The following ATP6V1H variants were observed in gnomAD, a reference collection of about 807,000 sequenced individuals.
ATP6V1H encodes the protein ATPase H+ transporting V1 subunit H, also known as V-type proton ATPase subunit H.
ATP6V1H carries 39 observed loss-of-function variants against 71.7 expected under a neutral mutation model. That is an observed-to-expected ratio of 0.54 (90% CI 0.42 to 0.71). The LOEUF (loss-of-function observed/expected upper bound fraction) is 0.71. Among genes scored for constraint, ATP6V1H ranks in the 30% least tolerant of loss-of-function variants. The pLI is 0.00. For synonymous variants in ATP6V1H, 192 were observed against 199.3 expected (o/e 0.96, Z 0.31); for missense variants, 509 against 594.9 (o/e 0.86, Z 1.50).
intron 11 of ATP6V1H, among the ~76,000 whole-genome samples, chr8:53,766,208 T>C (rs1209987460): frequency 6.6e-6 from 1 of 152,232 alleles, no homozygotes; most frequent in East Asian, 1.9e-4. Flanking sequence ...TTTATGGACA[T>C]TTATTAGTTC....
chr8:53,721,302 A>G (rs1029317560), intron 13 of ATP6V1H, among the ~76,000 whole-genome samples: 2 of 152,206 alleles, frequency 1.3e-5, no homozygotes, highest in African/African-American at 2.4e-5. Context: ...TTTTTCCTAC[A>G]TAACAGCTGA....
At chr8:53,834,111 G>A (rs776138167) in intron 2 of ATP6V1H, among the ~76,000 whole-genome samples, 4 of 152,238 alleles carry the variant, frequency 2.6e-5, no homozygotes, top group Non-Finnish European at 5.9e-5. Flanking sequence ...GGCACTTCAG[G>A]ATTCATTCAA....
At chr8:53,816,230 A>AGGAG (rs1212943350) in intron 5 of ATP6V1H, among the ~76,000 whole-genome samples, 2 of 152,186 alleles carry the variant, frequency 1.3e-5, no homozygotes, top group African/African-American at 4.8e-5. Context: ...TACATGTGGA[A>AGGAG]GGAGGGAGGG....
intron 11 of ATP6V1H, among the ~76,000 whole-genome samples, chr8:53,757,932 T>C (rs1808132317): frequency 6.6e-6 from 1 of 152,130 alleles, no homozygotes; most frequent in Admixed American, 6.6e-5. Flanking sequence ...CATGTATAAG[T>C]AAAGGTATAT....
chr8:53,772,321 C>T (rs1247454755), intron 9 of ATP6V1H, among the ~76,000 whole-genome samples, 154 bp from the exon 10 acceptor site: 2 of 152,156 alleles, frequency 1.3e-5, no homozygotes, highest in African/African-American at 4.8e-5. Context: ...ATCCTTACTT[C>T]GCTCCTGAGT....
At chr8:53,802,609 A>G (rs1441195926) in intron 7 of ATP6V1H, among the ~76,000 whole-genome samples, 2 of 152,196 alleles carry the variant, frequency 1.3e-5, no homozygotes, top group East Asian at 3.9e-4. Flanking sequence ...AATCCCAGCT[A>G]CTTGGGAGGC....
intron 7 of ATP6V1H, among the ~76,000 whole-genome samples, chr8:53,803,306 T>C (rs1009657908): frequency 6.6e-6 from 1 of 151,500 alleles, no homozygotes; most frequent in African/African-American, 2.4e-5. Context: ...CACTGCACTC[T>C]AGCCTGGGTG....
chr8:53,725,883 C>G (rs1453602994), intron 13 of ATP6V1H, among the ~76,000 whole-genome samples: 1 of 152,032 alleles, frequency 6.6e-6, no homozygotes, highest in African/African-American at 2.4e-5. Context: ...AATGATGTTC[C>G]TAAAAGCATA....
chr8:53,757,666 A>C lies in ATP6V1H; in HGVS notation c.1176-1010T>G. 1.3e-5 allele frequency among the ~76,000 whole-genome samples: 2 copies of C among 152,204 alleles called. 1 individual carries two copies. The highest frequency in any genetic ancestry group is 4.1e-4 in the South Asian group (2 of 4,836). On this transcript the variant is annotated intron_variant, in intron 11 of 13. Transcript: ENST00000359530. ...CTCAGAAATAGATACACACAAACTT[A>C]AATTAGCCAACTGAACCCACTAGTA...
intron 4 of ATP6V1H, among the ~76,000 whole-genome samples, chr8:53,825,766 A>G (rs1810807000): frequency 6.6e-6 from 1 of 152,204 alleles, no homozygotes; most frequent in South Asian, 2.1e-4. Context: ...AAGCAGGCCA[A>G]ATGTCTAACT....
chr8:53,788,537 G>C (rs1563467522), intron 9 of ATP6V1H, among the ~76,000 whole-genome samples: 1 of 152,186 alleles, frequency 6.6e-6, no homozygotes, highest in Non-Finnish European at 1.5e-5. Flanking sequence ...ATTTTATGGA[G>C]AAAAGGGCAG....
chr8:53,717,638 G>A (rs1377334280), intron 13 of ATP6V1H, among the ~76,000 whole-genome samples: 3 of 152,034 alleles, frequency 2.0e-5, no homozygotes, highest in Admixed American at 2.0e-4. Context: ...TTGTTAGACA[G>A]GAAAAACAAG....
chr8:53,748,658 A>G (rs1260355384), intron 12 of ATP6V1H, among the ~76,000 whole-genome samples: 1 of 152,246 alleles, frequency 6.6e-6, no homozygotes, highest in Non-Finnish European at 1.5e-5. Context: ...GAGATGTCAC[A>G]TATCACAGTT....
intron 3 of ATP6V1H, chr8:53,832,545 A>C (rs1193155437): frequency 6.6e-6 from 1 of 152,220 alleles, no homozygotes; most frequent in Non-Finnish European, 1.5e-5. Context: ...TATTAAAATA[A>C]AAAGAATGCC....
chr8:53,788,568 T>C (rs887468698), intron 9 of ATP6V1H, among the ~76,000 whole-genome samples: 3 of 152,210 alleles, frequency 2.0e-5, no homozygotes, highest in African/African-American at 4.8e-5. Flanking sequence ...ACATACTGTA[T>C]ATTTACTATT....
chr8:53,799,622 T>A (rs563966499), intron 8 of ATP6V1H, among the ~76,000 whole-genome samples: 1 of 152,304 alleles, frequency 6.6e-6, no homozygotes, highest in East Asian at 1.9e-4. Flanking sequence ...ATGTGGCTTA[T>A]GCTGAATTCC....
chr8:53,772,850 T>C (rs1808714534), intron 9 of ATP6V1H, among the ~76,000 whole-genome samples: 1 of 148,756 alleles, frequency 6.7e-6, no homozygotes, highest in Non-Finnish European at 1.5e-5. Context: ...GACAGACCTC[T>C]GTTTTAAAAA....
At chr8:53,747,052 G>A (rs892074762) in intron 12 of ATP6V1H, among the ~76,000 whole-genome samples, 3 of 152,174 alleles carry the variant, frequency 2.0e-5, no homozygotes, top group African/African-American at 7.2e-5. Flanking sequence ...TGTAATTTGA[G>A]AGTAAACTTT....
intron 13 of ATP6V1H, among the ~76,000 whole-genome samples, chr8:53,733,015 C>G (rs1225296100): frequency 6.6e-6 from 1 of 152,152 alleles, no homozygotes; most frequent in Non-Finnish European, 1.5e-5. Context: ...TAGACAAGGA[C>G]GGGCATATGG....
Sources: gnomAD v4.1 joint callset for allele counts (sites outside exome capture counted in the v4.1 genomes callset) on GRCh38, gnomAD v4.1.1 for gene constraint, MANE v1.5 for transcripts, NCBI Gene and HGNC (gene_info 2026-07-23, HGNC 2026-07-21) for gene names.